CHD6: variants seen among roughly 807,000 people sequenced by gnomAD.
CHD6 encodes ATP-dependent chromatin remodeler CHD6.
A neutral mutation model predicts 276.9 loss-of-function variants in CHD6; 50 were observed. That is an observed-to-expected ratio of 0.18 (90% confidence interval 0.14 to 0.23). The LOEUF is 0.23. Ranked by LOEUF, CHD6 falls within the 10% of genes least tolerant of loss-of-function variation. The pLI is 1.00. For missense variants in CHD6, 2,564 were observed against 3,365.8 expected (o/e 0.76, Z 5.89); for synonymous variants, 1,173 against 1,229.3 (o/e 0.95, Z 0.96).
intron 1 of CHD6, among the ~76,000 whole-genome samples, chr20:41,560,427 G>T (rs1482914962): frequency 6.6e-6 from 1 of 152,132 alleles, no homozygotes; most frequent in African/African-American, 2.4e-5. Context: ...TTCAGATCTG[G>T]TGTCATGTTC....
intron 2 of CHD6, among the ~76,000 whole-genome samples, chr20:41,537,358 CTATT>C (rs2044854719): frequency 6.6e-6 from 1 of 152,102 alleles, no homozygotes; most frequent in Admixed American, 6.5e-5. Flanking sequence ...ACTACAACAA[CTATT>C]TATGTAGCAT....
chr20:41,543,110 A>G (rs1246311367), intron 2 of CHD6, among the ~76,000 whole-genome samples: 2 of 152,068 alleles, frequency 1.3e-5, no homozygotes, highest in Non-Finnish European at 2.9e-5. Flanking sequence ...CTCAAAAAAA[A>G]AAAAAAAAAG....
At chr20:41,476,359 C>A (rs2043167784) in intron 16 of CHD6, among the ~76,000 whole-genome samples, 1 of 151,906 alleles carries the variant, frequency 6.6e-6, no homozygotes, top group African/African-American at 2.4e-5. Context: ...CTGGAAAAAA[C>A]CTCTATGTGA....
rs949402314 is a variant in CHD6 at position 41,533,189 on chromosome 20, C to T, written c.415G>A (p.Ala139Thr). 1.9e-6 allele frequency: 3 copies of T among 1,613,914 alleles called. No homozygotes were observed. In the South Asian group the frequency reaches 3.3e-5, roughly 18 times the overall value. Residue 139 changes from alanine (A) to threonine (T), a missense_variant, in exon 3 of 37, where the codon GCC becomes ACC. This residue lies in a region of CHD6 where 286 missense variants were observed against 297.8 expected (regional missense o/e 0.96). Transcript: ENST00000373233. Reference protein sequence around the residue: ...EPRKAKEPKKAKEHKEPKQKD... With the variant: ...EPRKAKEPKKTKEHKEPKQKD... ...TGCTTCGGCTCCTTGTGCTCCTTGGCCTTCTTCGGCTCCTTGGCCTTTCTG... is the reference window on the plus strand; with the variant it reads ...TGCTTCGGCTCCTTGTGCTCCTTGGTCTTCTTCGGCTCCTTGGCCTTTCTG...
intron 17 of CHD6, among the ~76,000 whole-genome samples, chr20:41,463,315 A>G (rs1264293699): frequency 6.6e-6 from 1 of 152,248 alleles, no homozygotes; most frequent in Non-Finnish European, 1.5e-5. Flanking sequence ...TGACTGATTC[A>G]GCCAAAAATA....
chr20:41,407,267 G>C (rs1279438595), intron 36 of CHD6, among the ~76,000 whole-genome samples: 1 of 152,104 alleles, frequency 6.6e-6, no homozygotes, highest in Non-Finnish European at 1.5e-5. Context: ...AGCAGCTGAG[G>C]CTCCACCAGC....
intron 1 of CHD6, among the ~76,000 whole-genome samples, chr20:41,608,267 T>C (rs185409129): frequency 6.6e-6 from 1 of 152,196 alleles, no homozygotes; most frequent in African/African-American, 2.4e-5. Flanking sequence ...AGCAAAAAAA[T>C]AGTAAACAAG....
At chr20:41,574,032 T>C (rs2045446358) in intron 1 of CHD6, among the ~76,000 whole-genome samples, 2 of 151,950 alleles carry the variant, frequency 1.3e-5, no homozygotes, top group Admixed American at 6.6e-5. Context: ...TTCAGATAAA[T>C]AGTGGATCTA....
At chr20:41,474,375 G>A (rs1172029318) in intron 16 of CHD6, among the ~76,000 whole-genome samples, 2 of 152,140 alleles carry the variant, frequency 1.3e-5, no homozygotes, top group African/African-American at 2.4e-5. Flanking sequence ...AGACCTTTAC[G>A]TTGGAGATCA....
chr20:41,445,630 G>T, intron 25 of CHD6, 35 bp downstream of exon 25: 2 of 1,412,478 alleles, frequency 1.4e-6, no homozygotes, highest in Non-Finnish European at 2.0e-6. Context: ...GGGGGAAACT[G>T]ATACAGAAGG....
At chr20:41,562,886 A>G (rs934966998) in intron 1 of CHD6, among the ~76,000 whole-genome samples, 1 of 152,228 alleles carries the variant, frequency 6.6e-6, no homozygotes, top group Non-Finnish European at 1.5e-5. Flanking sequence ...AGCTTGGACT[A>G]AAAATCCATC....
At chr20:41,568,927 T>C (rs2045387554) in intron 1 of CHD6, among the ~76,000 whole-genome samples, 3 of 152,298 alleles carry the variant, frequency 2.0e-5, no homozygotes, top group Non-Finnish European at 2.9e-5. Context: ...TTAATATAAA[T>C]TGAGAATGTT....
chr20:41,469,533 C>T (rs1600939539), intron 17 of CHD6, among the ~76,000 whole-genome samples: 1 of 152,178 alleles, frequency 6.6e-6, no homozygotes, highest in African/African-American at 2.4e-5. Context: ...CCAGTTTTTC[C>T]TTTGTCTTTC....
intron 1 of CHD6, among the ~76,000 whole-genome samples, chr20:41,603,566 T>C (rs2045795052): frequency 1.3e-5 from 2 of 151,356 alleles, no homozygotes; most frequent in African/African-American, 2.4e-5. Context: ...AAACATTGAA[T>C]TTAAAAAATT....
chr20:41,566,514 T>C (rs1413324901), intron 1 of CHD6, among the ~76,000 whole-genome samples: 17 of 152,202 alleles, frequency 1.1e-4, no homozygotes, highest in Admixed American at 9.8e-4. Flanking sequence ...TTCCCCACTC[T>C]GCTCCTGTGG....
At chr20:41,552,512 A>C (rs933439973) in intron 1 of CHD6, among the ~76,000 whole-genome samples, 2 of 152,224 alleles carry the variant, frequency 1.3e-5, no homozygotes, top group African/African-American at 2.4e-5. Context: ...TGTGTACCCC[A>C]TAAATATATA....
At chr20:41,617,722 C>T (rs900627548) in intron 1 of CHD6, among the ~76,000 whole-genome samples, 3 of 152,068 alleles carry the variant, frequency 2.0e-5, no homozygotes, top group African/African-American at 7.2e-5. Context: ...CGAGTGCGCG[C>T]TAGTGCGTAA....
intron 1 of CHD6, among the ~76,000 whole-genome samples, chr20:41,560,628 A>G (rs895776260): frequency 2.6e-5 from 4 of 151,756 alleles, no homozygotes; most frequent in Non-Finnish European, 5.9e-5. Flanking sequence ...TGACATTTGG[A>G]CTCTTCAGTG....
At position 41,447,964 on chromosome 20, in the gene CHD6, A is replaced by G. The variant is rs1217457729; in HGVS notation, c.3691T>C (p.Leu1231=). The G allele has an allele frequency of 1.9e-6, 3 of 1,605,008 alleles. No individual in the cohort carries two copies. In the East Asian group the frequency reaches 6.7e-5, roughly 36 times the overall value. ...AGGTAGTACAGCATCCGGACTCGCAAAAGTACTCTATGAAAGGTGAACACA... is the reference window on the plus strand; with the variant it reads ...AGGTAGTACAGCATCCGGACTCGCAGAAGTACTCTATGAAAGGTGAACACA... ...HLKQHCNKVL[L]RVRMLYYLKA... is the part of the protein sequence containing the mutation. Residue 1231 remains leucine, a synonymous_variant, in exon 24 of 37, where the codon TTG becomes CTG. Transcript: ENST00000373233.
Sources: allele counts gnomAD v4.1 joint callset (sites outside exome capture counted in the v4.1 genomes callset), GRCh38; gene constraint gnomAD v4.1.1; regional missense constraint gnomAD v4.1.1; transcripts MANE v1.5; gene names NCBI Gene and HGNC (gene_info 2026-07-23, HGNC 2026-07-21).